Variants in KCNMA1 observed in about 807,000 individuals in gnomAD.
KCNMA1 encodes the protein Calcium-activated potassium channel subunit alpha-1.
KCNMA1 carries 29 observed loss-of-function variants against 140.0 expected under a neutral mutation model. That is an observed-to-expected ratio of 0.21 (90% CI 0.15 to 0.28). The LOEUF (loss-of-function observed/expected upper bound fraction) is 0.28, where lower values mean the gene tolerates loss of function less well. Among genes scored for constraint, KCNMA1 ranks in the 10% least tolerant of loss-of-function variants. KCNMA1 has a pLI of 1.00. For missense variants in KCNMA1, 880 were observed against 1,602.2 expected (o/e 0.55, Z 7.70); for synonymous variants, 612 against 611.9 (o/e 1.00, Z 0.00).
At position 77,184,896 on chromosome 10, in the gene KCNMA1, T is replaced by A. The variant is rs1476175255; in HGVS notation, c.623A>T (p.Asn208Ile). Residue 208 changes from asparagine (N) to isoleucine (I), a missense_variant, in exon 4 of 28, where the codon AAT becomes ATT. Coordinates refer to ENST00000286628, the MANE Select transcript of KCNMA1 (RefSeq NM_001161352.2). ...CTGTAATGTGAAATCTTTGTAGAAA[T>A]TCTGGCAGGATTCTATTGGGCTATT... ...DSSNPIESCQNFYKDFTLQID... is the reference protein window; with the variant it reads ...DSSNPIESCQIFYKDFTLQID... The A allele has an allele frequency of 6.2e-7, 1 of 1,610,730 alleles. No homozygotes were observed. The highest frequency in any genetic ancestry group is 2.2e-5 in the East Asian group (1 of 44,830).
chr10:77,506,621 TAGAGAGGGAGAGAGAC>T (rs1377012365), intron 1 of KCNMA1, among the ~76,000 whole-genome samples: 8 of 54,012 alleles, frequency 1.5e-4, no homozygotes, highest in Non-Finnish European at 6.3e-5. Context: ...GTGTGTGTGT[TAGAGAGGGAGAGAGAC>T]AGAGAGGGAG....
chr10:77,583,164 T>A (rs2076329259), intron 1 of KCNMA1, among the ~76,000 whole-genome samples: 1 of 152,212 alleles, frequency 6.6e-6, no homozygotes, highest in African/African-American at 2.4e-5. Context: ...CTTGTAGCTC[T>A]GCCTGCTCTT....
intron 2 of KCNMA1, among the ~76,000 whole-genome samples, chr10:77,271,827 C>T (rs2065228246): frequency 1.3e-5 from 2 of 152,170 alleles, no homozygotes; most frequent in Non-Finnish European, 2.9e-5. Context: ...ACCACAACCC[C>T]ACACCCTGGG....
At chr10:77,371,211 T>G (rs114759967) in intron 2 of KCNMA1, among the ~76,000 whole-genome samples, 87 of 152,302 alleles carry the variant, frequency 5.7e-4, no homozygotes, top group African/African-American at 2.1e-3. Flanking sequence ...GGGTTTGTGG[T>G]TCTCGGGCAA....
chr10:77,104,796 G>C (rs1016922095), intron 9 of KCNMA1, among the ~76,000 whole-genome samples: 1 of 152,172 alleles, frequency 6.6e-6, no homozygotes, highest in Non-Finnish European at 1.5e-5. Context: ...ACTCAGGGAG[G>C]AGACCTCTGG....
chr10:77,600,703 C>T (rs539922980), intron 1 of KCNMA1, among the ~76,000 whole-genome samples: 4 of 152,202 alleles, frequency 2.6e-5, no homozygotes, highest in Admixed American at 6.5e-5. Context: ...GCTGAGGTCA[C>T]GCCATTGCAC....
intron 15 of KCNMA1, among the ~76,000 whole-genome samples, chr10:77,036,556 G>A (rs1018631974): frequency 7.2e-5 from 11 of 152,206 alleles, no homozygotes; most frequent in African/African-American, 2.7e-4. Context: ...TACAGAAACT[G>A]CTCTGAAAAT....
intron 2 of KCNMA1, among the ~76,000 whole-genome samples, chr10:77,280,705 T>C (rs2068224907): frequency 6.6e-6 from 1 of 151,534 alleles, no homozygotes; most frequent in African/African-American, 2.4e-5. Flanking sequence ...TTTTTTTTTT[T>C]TCAGGTATAG....
intron 9 of KCNMA1, among the ~76,000 whole-genome samples, chr10:77,100,480 C>A (rs2097070374): frequency 6.6e-6 from 1 of 152,202 alleles, no homozygotes; most frequent in Non-Finnish European, 1.5e-5. Flanking sequence ...CCAGTACTGG[C>A]TGTGGAGACT....
intron 2 of KCNMA1, among the ~76,000 whole-genome samples, chr10:77,336,311 T>C (rs2088947747): frequency 6.6e-6 from 1 of 152,016 alleles, no homozygotes; most frequent in African/African-American, 2.4e-5. Flanking sequence ...ACAGATAGGC[T>C]AGAAAGAAGG....
Position 77,491,157 on chromosome 10 carries a change from T to C in KCNMA1, c.379-87134A>G, listed in dbSNP as rs567965648. Among the ~76,000 whole-genome samples the C allele has an allele frequency of 2.6e-5, 4 of 152,338 alleles. No homozygotes were observed. In the South Asian group the frequency reaches 8.3e-4, roughly 32 times the overall value. On this transcript the variant is annotated intron_variant, in intron 1 of 27. Transcript: ENST00000286628. ...AATCCAAAATCCCCCACAGTGCTGA[T>C]TCACTTTGTTTTCTTAACTTGCTCT... is the stretch of plus-strand genomic sequence containing the variant.
chr10:76,897,653 T>C (rs1313092457), intron 25 of KCNMA1, among the ~76,000 whole-genome samples: 2 of 152,058 alleles, frequency 1.3e-5, no homozygotes, highest in Non-Finnish European at 1.5e-5. Flanking sequence ...AACTAAAATA[T>C]GAGCAAATTT....
intron 3 of KCNMA1, among the ~76,000 whole-genome samples, chr10:77,229,053 G>A (rs982010571): frequency 2.0e-5 from 3 of 152,194 alleles, no homozygotes; most frequent in Non-Finnish European, 2.9e-5. Context: ...AGCAGTTTGT[G>A]GCCAAGAGGT....
intron 1 of KCNMA1, among the ~76,000 whole-genome samples, chr10:77,583,654 T>C (rs1474689249): frequency 6.6e-6 from 1 of 152,254 alleles, no homozygotes; most frequent in Non-Finnish European, 1.5e-5. Context: ...AAAGCAGGAT[T>C]GAGCTTACTC....
chr10:77,481,894 TAAG>T (rs2098402610), intron 1 of KCNMA1, among the ~76,000 whole-genome samples: 2 of 151,992 alleles, frequency 1.3e-5, no homozygotes, highest in Admixed American at 6.6e-5. Flanking sequence ...ATTTTACAGG[TAAG>T]AAGAATAAAG....
At chr10:76,887,541 C>A (rs774096624) in intron 27 of KCNMA1, 26 bp from the exon 28 acceptor site, 2 of 1,613,864 alleles carry the variant, frequency 1.2e-6, no homozygotes, top group Admixed American at 1.7e-5. Flanking sequence ...AGAGATGTCA[C>A]CTCCTGAGAG....
chr10:77,082,743 C>A (rs184767690), intron 12 of KCNMA1, among the ~76,000 whole-genome samples: 1 of 152,194 alleles, frequency 6.6e-6, no homozygotes. Flanking sequence ...ATCTGTTCCA[C>A]CCTCTCTCTG....
At chr10:77,326,516 C>T (rs1039411164) in intron 2 of KCNMA1, among the ~76,000 whole-genome samples, 2 of 151,318 alleles carry the variant, frequency 1.3e-5, no homozygotes, top group African/African-American at 4.8e-5. Flanking sequence ...TGAGGACGAG[C>T]GTGGTGGTGG....
chr10:77,022,906 G>A (rs1374990065), intron 16 of KCNMA1: 3 of 454,748 alleles, frequency 6.6e-6, no homozygotes, highest in Non-Finnish European at 8.8e-6. Flanking sequence ...GTATGAATAT[G>A]TAAATATCCC....
Sources: allele counts gnomAD v4.1 joint callset (sites outside exome capture counted in the v4.1 genomes callset), GRCh38; gene constraint gnomAD v4.1.1; transcripts MANE v1.5; gene names NCBI Gene and HGNC (gene_info 2026-07-23, HGNC 2026-07-21).